Variants in ANO2 observed in about 807,000 individuals in gnomAD.
ANO2 encodes anoctamin 2.
Under a neutral mutation model 124.2 loss-of-function variants are expected in ANO2, and 101 were observed. The observed-to-expected ratio is 0.81, with a 90% CI of 0.69 to 0.96. ANO2 has a LOEUF of 0.96. Among genes scored for constraint, ANO2 ranks in the 40% least tolerant of loss-of-function variants. ANO2 has a pLI of 0.00. For synonymous variants in ANO2, 486 were observed against 482.5 expected, an observed-to-expected ratio of 1.01 and a Z score of -0.09; for missense variants, 1,293 against 1,274.5, an observed-to-expected ratio of 1.01 and a Z score of -0.22.
intron 14 of ANO2, among the ~76,000 whole-genome samples, chr12:5,661,087 A>C (rs1210244649): frequency 6.6e-6 from 1 of 152,206 alleles, no homozygotes; most frequent in Non-Finnish European, 1.5e-5. Flanking sequence ...AGTGACACCC[A>C]GCTATGATCT....
At chr12:5,864,812 G>A (rs1955374323) in intron 3 of ANO2, among the ~76,000 whole-genome samples, 1 of 152,196 alleles carries the variant, frequency 6.6e-6, no homozygotes, top group Non-Finnish European at 1.5e-5. Context: ...GGATCAACCT[G>A]TGAGCACCAC....
At position 5,787,325 on chromosome 12, in the gene ANO2, G is replaced by T. The variant is rs1413655794; in HGVS notation, c.1055+12182C>A. On this transcript the variant is annotated intron_variant, in intron 10 of 24. Transcript: ENST00000682330. The surrounding 1 kb of genome is among the most constrained non-coding windows in gnomAD (Gnocchi z 4.2). ...CTTTCAATGATGTACCCTTTCCTTA[G>T]GGTACGGTCCAAAATCCCTAACCAG... 1.3e-5 allele frequency among the ~76,000 whole-genome samples: 2 copies of T among 152,096 alleles called. No individual in the cohort carries two copies. Among genetic ancestry groups the T allele is most frequent in the Non-Finnish European group, 2.9e-5 (2 of 68,030 alleles).
chr12:5,721,361 C>T (rs1372271766), intron 14 of ANO2, among the ~76,000 whole-genome samples: 1 of 152,256 alleles, frequency 6.6e-6, no homozygotes, highest in Non-Finnish European at 1.5e-5. Context: ...ACAGTTTCCA[C>T]AGGCTGTTGC....
intron 15 of ANO2, among the ~76,000 whole-genome samples, chr12:5,640,904 A>G (rs531412261): frequency 6.6e-6 from 1 of 152,238 alleles, no homozygotes; most frequent in Admixed American, 6.5e-5. Flanking sequence ...AAATCAATCT[A>G]CTATAAAGAC....
In ANO2 at chr12:5,728,813, T is replaced by C. The variant is rs115315874; in HGVS notation, c.1545+3707A>G. ...AGACATATAGATCAATGGAATCTAATTGATGTCCAGAAATAAACTCTTACA... is the reference window on the plus strand; with the variant it reads ...AGACATATAGATCAATGGAATCTAACTGATGTCCAGAAATAAACTCTTACA... On this transcript the variant is annotated intron_variant, in intron 14 of 24. Transcript: ENST00000682330. 7.7e-3 allele frequency among the ~76,000 whole-genome samples: 1,179 copies of C among 152,320 alleles called. 16 individuals are homozygous for C. Among genetic ancestry groups the C allele is most frequent in the African/African-American group, 0.026 (1,089 of 41,566 alleles).
At chr12:5,583,516 A>C (rs540566281) in intron 20 of ANO2, among the ~76,000 whole-genome samples, 34 of 151,032 alleles carry the variant, frequency 2.3e-4, no homozygotes, top group African/African-American at 6.5e-4. Flanking sequence ...AGCCGGGCGC[A>C]GTGGCGGGCG....
chr12:5,830,656 G>A (rs1288663540), intron 5 of ANO2, among the ~76,000 whole-genome samples, 167 bp from the exon 6 acceptor site: 1 of 152,060 alleles, frequency 6.6e-6, no homozygotes, highest in South Asian at 2.1e-4. Context: ...TTCTAAAAAC[G>A]TATTCTAGAA....
intron 3 of ANO2, among the ~76,000 whole-genome samples, chr12:5,889,855 T>C (rs1248476178): frequency 6.6e-6 from 1 of 152,220 alleles, no homozygotes; most frequent in Non-Finnish European, 1.5e-5. Context: ...TCCAAGACCC[T>C]TTACCACCTC....
intron 1 of ANO2, among the ~76,000 whole-genome samples, chr12:5,929,258 T>C (rs1565789722): frequency 7.1e-6 from 1 of 140,718 alleles, no homozygotes; most frequent in Admixed American, 6.9e-5. Context: ...TCCTTTTCTA[T>C]CTTCTTTCCT....
chr12:5,691,081 G>C (rs1948917292), intron 14 of ANO2, among the ~76,000 whole-genome samples: 1 of 152,100 alleles, frequency 6.6e-6, no homozygotes, highest in Non-Finnish European at 1.5e-5. Flanking sequence ...TGTAATCCCA[G>C]CACTTTGGGA....
chr12:5,661,396 A>G (rs1196923650), intron 14 of ANO2, among the ~76,000 whole-genome samples: 1 of 152,184 alleles, frequency 6.6e-6, no homozygotes, highest in Admixed American at 6.5e-5. Flanking sequence ...TCCTACCATT[A>G]GTTTTCCTAC....
chr12:5,885,279 A>C (rs1467399315), intron 3 of ANO2, among the ~76,000 whole-genome samples: 1 of 152,236 alleles, frequency 6.6e-6, no homozygotes, highest in African/African-American at 2.4e-5. Flanking sequence ...CCAAGCTTTC[A>C]AGTTGGGTGA....
rs1952680300 is a variant in ANO2, at chr12:5,791,040, A to T, written c.1055+8467T>A. On this transcript the variant is annotated intron_variant, in intron 10 of 24. Coordinates refer to ENST00000682330, the MANE Select transcript of ANO2 (RefSeq NM_001364791.2). ...CCTTGAACTTCAGTAACATCATTTC[A>T]CTCTCACTGGGAAGCAAAAACAGTC... Among the ~76,000 whole-genome samples the T allele has an allele frequency of 2.6e-5, 4 of 151,804 alleles. 1 individual carries two copies. The South Asian group carries it at 8.3e-4, about 32-fold the overall frequency.
At chr12:5,709,194 T>C (rs1306124391) in intron 14 of ANO2, among the ~76,000 whole-genome samples, 2 of 152,232 alleles carry the variant, frequency 1.3e-5, no homozygotes, top group African/African-American at 4.8e-5. Context: ...CCCACAGAGC[T>C]CGATAGTTGT....
intron 3 of ANO2, among the ~76,000 whole-genome samples, chr12:5,874,139 G>C (rs1937929344): frequency 6.6e-6 from 1 of 152,122 alleles, no homozygotes; most frequent in Non-Finnish European, 1.5e-5. Context: ...AAGAGGCTAG[G>C]AAAAAAGACC....
At chr12:5,678,422 G>T (rs2136997254) in intron 14 of ANO2, among the ~76,000 whole-genome samples, 1 of 152,238 alleles carries the variant, frequency 6.6e-6, no homozygotes, top group African/African-American at 2.4e-5. Flanking sequence ...GGGTGGCAGG[G>T]GTATCTCCAG....
At chr12:5,874,481 CA>C (rs1409682910) in intron 3 of ANO2, among the ~76,000 whole-genome samples, 1 of 152,202 alleles carries the variant, frequency 6.6e-6, no homozygotes, top group African/African-American at 2.4e-5. Context: ...TCACTTTTAT[CA>C]CCTCAACAGG....
At chr12:5,860,161 T>C (rs768876774) in intron 3 of ANO2, among the ~76,000 whole-genome samples, 3 of 152,084 alleles carry the variant, frequency 2.0e-5, no homozygotes, top group Non-Finnish European at 4.4e-5. Context: ...TATCCCTCCA[T>C]TGCAAAGCTC....
chr12:5,820,788 G>A (rs1953771383), intron 7 of ANO2, among the ~76,000 whole-genome samples: 3 of 152,212 alleles, frequency 2.0e-5, no homozygotes, highest in Admixed American at 2.0e-4. Context: ...GAGAATAACA[G>A]GGGATTACTG....
Sources: allele counts gnomAD v4.1 joint callset (sites outside exome capture counted in the v4.1 genomes callset), GRCh38; gene constraint gnomAD v4.1.1; non-coding constraint Gnocchi (gnomAD v3.1); transcripts MANE v1.5; gene names NCBI Gene and HGNC (gene_info 2026-07-23, HGNC 2026-07-21).